COL26A1: variants seen among roughly 807,000 people sequenced by gnomAD.
COL26A1 encodes collagen alpha-1(XXVI) chain.
Under a neutral mutation model 59.3 loss-of-function variants are expected in COL26A1, and 41 were observed. The ratio of observed to expected loss-of-function variants is 0.69; its 90% confidence interval spans 0.54 to 0.90. The LOEUF (loss-of-function observed/expected upper bound fraction) is 0.90, where lower values mean the gene tolerates loss of function less well. Ranked by LOEUF, COL26A1 falls within the 40% of genes least tolerant of loss-of-function variation. The probability of loss-of-function intolerance (pLI) is 0.00; values close to 1 mark genes in which losing one functional copy is unlikely to be tolerated. For synonymous variants in COL26A1, 266 were observed against 256.0 expected (o/e 1.04, Z -0.37); for missense variants, 612 against 602.3 (o/e 1.02, Z -0.17).
At chr7:101,509,755 C>T (rs1313089566) in intron 3 of COL26A1, among the ~76,000 whole-genome samples, 2 of 151,910 alleles carry the variant, frequency 1.3e-5, no homozygotes, top group South Asian at 2.1e-4. Flanking sequence ...TTTGACGGGG[C>T]CTCACTCTGT....
chr7:101,537,914 G>T (rs1043422203), intron 4 of COL26A1, among the ~76,000 whole-genome samples: 1 of 151,908 alleles, frequency 6.6e-6, no homozygotes, highest in Non-Finnish European at 1.5e-5. Context: ...GTTCCCCTTG[G>T]GATACTGCAA....
chr7:101,457,379 T>C (rs1250599938), intron 3 of COL26A1, among the ~76,000 whole-genome samples: 2 of 152,206 alleles, frequency 1.3e-5, no homozygotes, highest in Admixed American at 6.5e-5. Flanking sequence ...ATAGAAACCA[T>C]GTCTACATTT....
At chr7:101,439,436 C>CCCAGCTA (rs1792994916) in intron 2 of COL26A1, among the ~76,000 whole-genome samples, 1 of 151,340 alleles carries the variant, frequency 6.6e-6, no homozygotes, top group African/African-American at 2.4e-5. Context: ...CACCTGTAAT[C>CCCAGCTA]CCAGCTACTC....
Position 101,545,447 on chromosome 7 carries a change from C to CCAGGG in COL26A1, c.815_819dup (p.Ala274ArgfsTer77). ...ACCCAGGCCCCTCACCAAACAGCCC[C>CCAGGG]CAGGGCGCCCTCTACTCCCTGCAGC... is the stretch of plus-strand genomic sequence containing the variant. On this transcript the variant is annotated frameshift_variant, in exon 7 of 13. Transcript: ENST00000313669. LOFTEE classifies it high-confidence loss of function. The CCAGGG allele has an allele frequency of 6.2e-7, 1 of 1,608,714 alleles. No homozygotes were observed. The highest frequency in any genetic ancestry group is 8.5e-7 in the Non-Finnish European group (1 of 1,178,016).
At chr7:101,554,697 T>C (rs114361239) in intron 11 of COL26A1, among the ~76,000 whole-genome samples, 195 of 151,220 alleles carry the variant, frequency 1.3e-3, no homozygotes, top group African/African-American at 3.6e-3. Context: ...TGAACTACAA[T>C]CGTGCCACTG....
intron 1 of COL26A1, among the ~76,000 whole-genome samples, chr7:101,395,538 T>TG (rs1484700351): frequency 1.3e-5 from 2 of 152,156 alleles, no homozygotes; most frequent in East Asian, 3.9e-4. Context: ...CAGGGGTTCC[T>TG]GGGAAAAAAG....
intron 3 of COL26A1, among the ~76,000 whole-genome samples, chr7:101,487,810 G>A (rs1794300097): frequency 6.6e-6 from 1 of 152,114 alleles, no homozygotes; most frequent in Admixed American, 6.6e-5. Context: ...TCAGGGGCAG[G>A]TTTGGCCCCC....
At chr7:101,387,757 TATATATATATATATA>T (rs1475210848) in intron 1 of COL26A1, among the ~76,000 whole-genome samples, 2 of 49,570 alleles carry the variant, frequency 4.0e-5, no homozygotes, top group Admixed American at 2.7e-4. Context: ...TATATATTTA[TATATATATATATATA>T]TATATATTTT....
At position 101,362,971 on chromosome 7, in the gene COL26A1, C is replaced by G; in HGVS notation, c.-62C>G. On this transcript the variant is annotated 5_prime_UTR_variant, in exon 1 of 13. Coordinates refer to ENST00000313669, the MANE Select transcript of COL26A1 (RefSeq NM_001278563.3). ...CGGTGCCGCGGGTTCGGTCCGGGCG[C>G]CGGTGCGCTCCTGCCGGTCCTCGTG... The G allele has an allele frequency of 6.7e-7, 1 of 1,497,434 alleles. No individual in the cohort carries two copies. Among genetic ancestry groups the G allele is most frequent in the Non-Finnish European group, 8.9e-7 (1 of 1,128,708 alleles). 92.8% of individuals were successfully genotyped at this position (1,497,434 alleles called of 1,614,324 possible).
chr7:101,370,316 A>G (rs1367082438), intron 1 of COL26A1, among the ~76,000 whole-genome samples: 1 of 152,110 alleles, frequency 6.6e-6, no homozygotes. Context: ...ATTTGGCTAG[A>G]TATTTAAAAG....
At chr7:101,374,791 C>G (rs976407003) in intron 1 of COL26A1, among the ~76,000 whole-genome samples, 1 of 152,182 alleles carries the variant, frequency 6.6e-6, no homozygotes, top group African/African-American at 2.4e-5. Flanking sequence ...CACGGTGGCT[C>G]ACGCCTGTAA....
At chr7:101,363,361 C>T (rs1025117373) in intron 1 of COL26A1, among the ~76,000 whole-genome samples, 171 bp downstream of exon 1, 1 of 98,046 alleles carries the variant, frequency 1.0e-5, no homozygotes, top group African/African-American at 3.9e-5. Flanking sequence ...GCAGCTGGAA[C>T]GAGAGCTGGA....
intron 1 of COL26A1, among the ~76,000 whole-genome samples, chr7:101,411,589 T>TA (rs1792242502): frequency 1.3e-5 from 2 of 151,988 alleles, no homozygotes; most frequent in African/African-American, 2.4e-5. Context: ...ACGGGGAACT[T>TA]AGAGGTGCTG....
intron 3 of COL26A1, among the ~76,000 whole-genome samples, chr7:101,449,977 AGCCGG>A (rs1442064131): frequency 6.6e-6 from 1 of 152,030 alleles, no homozygotes. Flanking sequence ...CCCAAAAATT[AGCCGG>A]GCATAGTGGT....
At chr7:101,488,073 G>GACC (rs1181653350) in intron 3 of COL26A1, among the ~76,000 whole-genome samples, 1 of 151,058 alleles carries the variant, frequency 6.6e-6, no homozygotes, top group Non-Finnish European at 1.5e-5. Flanking sequence ...AGTAGTTCAA[G>GACC]ACCACCCTGG....
At chr7:101,395,523 G>A (rs1190724941) in intron 1 of COL26A1, among the ~76,000 whole-genome samples, 2 of 152,312 alleles carry the variant, frequency 1.3e-5, no homozygotes, top group Non-Finnish European at 2.9e-5. Flanking sequence ...GGAACTGGCC[G>A]TCTGCAGGGG....
chr7:101,405,098 T>C (rs1792097261), intron 1 of COL26A1, among the ~76,000 whole-genome samples: 1 of 151,390 alleles, frequency 6.6e-6, no homozygotes, highest in Admixed American at 6.6e-5. Flanking sequence ...GGCAGGCGCC[T>C]GTAGTCCCAG....
chr7:101,451,934 C>G (rs112229570), intron 3 of COL26A1, among the ~76,000 whole-genome samples: 10 of 152,058 alleles, frequency 6.6e-5, no homozygotes, highest in Non-Finnish European at 1.0e-4. Flanking sequence ...CTCGAACTCC[C>G]GGCCTCAGGT....
chr7:101,396,472 T>C (rs1373078225), intron 1 of COL26A1, among the ~76,000 whole-genome samples: 3 of 151,332 alleles, frequency 2.0e-5, no homozygotes, highest in South Asian at 4.2e-4. Context: ...AAGCATTTCT[T>C]TTTTTTTTGA....
Sources: gnomAD v4.1 joint callset for allele counts (sites outside exome capture counted in the v4.1 genomes callset) on GRCh38, gnomAD v4.1.1 for gene constraint, MANE v1.5 for transcripts, NCBI Gene and HGNC (gene_info 2026-07-23, HGNC 2026-07-21) for gene names.